The following KHDRBS2 variants were observed in gnomAD, a reference collection of about 807,000 sequenced individuals.
KHDRBS2 encodes the protein KH RNA binding domain containing, signal transduction associated 2.
KHDRBS2 carries 26 observed loss-of-function variants against 44.3 expected under a neutral mutation model. The ratio of observed to expected loss-of-function variants is 0.59; its 90% CI spans 0.43 to 0.81. KHDRBS2 has a LOEUF of 0.81. Among genes scored for constraint, KHDRBS2 ranks in the 40% least tolerant of loss-of-function variants. The pLI is 0.00. For synonymous variants in KHDRBS2, 194 were observed against 151.1 expected (o/e 1.28, Z -2.08); for missense variants, 476 against 433.1 (o/e 1.10, Z -0.88).
At chr6:61,922,097 T>C (rs1055600965) in intron 4 of KHDRBS2, among the ~76,000 whole-genome samples, 7 of 152,058 alleles carry the variant, frequency 4.6e-5, no homozygotes, top group Admixed American at 1.3e-4. Flanking sequence ...CTTATCTATA[T>C]TGAAATATTT....
intron 4 of KHDRBS2, among the ~76,000 whole-genome samples, chr6:61,934,365 A>T (rs1810646327): frequency 6.6e-6 from 1 of 152,144 alleles, no homozygotes. Context: ...TATCCAAAAA[A>T]TCCTTGCCCA....
chr6:61,972,650 A>T (rs1232829162), intron 4 of KHDRBS2, among the ~76,000 whole-genome samples: 1 of 152,144 alleles, frequency 6.6e-6, no homozygotes, highest in Non-Finnish European at 1.5e-5. Context: ...CCCTCTCTGC[A>T]TTGAACTTTG....
At chr6:62,106,945 A>G (rs943115180) in intron 2 of KHDRBS2, among the ~76,000 whole-genome samples, 1 of 152,016 alleles carries the variant, frequency 6.6e-6, no homozygotes, top group Non-Finnish European at 1.5e-5. Flanking sequence ...ATATATCTCA[A>G]AATAATAAGA....
At chr6:62,271,241 A>C (rs1161073503) in intron 1 of KHDRBS2, among the ~76,000 whole-genome samples, 2 of 152,174 alleles carry the variant, frequency 1.3e-5, no homozygotes, top group Admixed American at 1.3e-4. Flanking sequence ...CACATATAAC[A>C]TCGTGGTCCC....
intron 1 of KHDRBS2, among the ~76,000 whole-genome samples, chr6:62,264,665 C>T (rs1395560913): frequency 6.6e-6 from 1 of 151,760 alleles, no homozygotes; most frequent in East Asian, 1.9e-4. Context: ...ACCGATTTTA[C>T]ACTTATTGAG....
chr6:62,000,801 T>C (rs1236741115), intron 3 of KHDRBS2, among the ~76,000 whole-genome samples: 1 of 152,162 alleles, frequency 6.6e-6, no homozygotes, highest in Non-Finnish European at 1.5e-5. Context: ...GCATCACATG[T>C]TCAAAATATT....
chr6:62,036,501 T>C (rs1785313633), intron 3 of KHDRBS2, among the ~76,000 whole-genome samples: 3 of 151,970 alleles, frequency 2.0e-5, no homozygotes, highest in Admixed American at 1.3e-4. Flanking sequence ...ACACACACGA[T>C]TTACCCATGT....
chr6:61,980,423 G>C (rs1362027858), intron 3 of KHDRBS2, among the ~76,000 whole-genome samples: 1 of 152,084 alleles, frequency 6.6e-6, no homozygotes, highest in Non-Finnish European at 1.5e-5. Context: ...ACTCCTGAAA[G>C]TTTAGAATGT....
intron 3 of KHDRBS2, among the ~76,000 whole-genome samples, chr6:62,027,564 G>T (rs1439734533): frequency 2.6e-5 from 4 of 152,102 alleles, no homozygotes; most frequent in Admixed American, 2.0e-4. Context: ...GATTGCCAGG[G>T]TAATTTATCA....
At chr6:61,688,749 G>A (rs961486115) in intron 8 of KHDRBS2, among the ~76,000 whole-genome samples, 2 of 151,944 alleles carry the variant, frequency 1.3e-5, no homozygotes, top group African/African-American at 4.8e-5. Flanking sequence ...ATACCACAGT[G>A]TGCCTTTCCC....
At chr6:61,916,938 G>A (rs185998560) in intron 4 of KHDRBS2, among the ~76,000 whole-genome samples, 56 of 148,436 alleles carry the variant, frequency 3.8e-4, no homozygotes, top group African/African-American at 1.4e-3. Context: ...AAATGCTGGT[G>A]AGGATGTGGA....
intron 1 of KHDRBS2, among the ~76,000 whole-genome samples, chr6:62,206,285 C>T (rs1827959436): frequency 6.6e-6 from 1 of 152,180 alleles, no homozygotes; most frequent in Middle Eastern, 3.4e-3. Context: ...TATGCACAAA[C>T]AGGTCATAAT....
At chr6:61,633,627 A>AGTT in the KHDRBS2 span, among the ~76,000 whole-genome samples, 46 of 152,064 alleles carry the variant, frequency 3.0e-4, no homozygotes, top group Non-Finnish European at 5.4e-4. Flanking sequence ...AACTCCTTAA[A>AGTT]AATGGGGAAC....
chr6:61,955,154 A>C (rs867899791), intron 4 of KHDRBS2, among the ~76,000 whole-genome samples: 198 of 144,808 alleles, frequency 1.4e-3, no homozygotes, highest in African/African-American at 4.5e-3. Flanking sequence ...ATACGTGTGT[A>C]TGTATGTATA....
At chr6:61,768,189 C>A (rs1367670858) in intron 6 of KHDRBS2, among the ~76,000 whole-genome samples, 2 of 152,124 alleles carry the variant, frequency 1.3e-5, no homozygotes, top group African/African-American at 4.8e-5. Context: ...AAGGTTTCCA[C>A]TGAAAAGTCC....
chr6:61,758,392 A>G (rs536738320), intron 6 of KHDRBS2, among the ~76,000 whole-genome samples: 1 of 151,940 alleles, frequency 6.6e-6, no homozygotes, highest in South Asian at 2.1e-4. Context: ...ATAGCTTTGT[A>G]TCCCTATCTT....
At chr6:61,649,204 T>C in the KHDRBS2 span, among the ~76,000 whole-genome samples, 3 of 151,998 alleles carry the variant, frequency 2.0e-5, no homozygotes, top group Non-Finnish European at 4.4e-5. Context: ...CTCAGTGGCA[T>C]GGTGGGGAGT....
At chr6:62,132,533 G>T (rs1223938452) in intron 2 of KHDRBS2, among the ~76,000 whole-genome samples, 4 of 152,080 alleles carry the variant, frequency 2.6e-5, no homozygotes, top group African/African-American at 9.7e-5. Context: ...TTCCTTTAAT[G>T]GATTACATTT....
At chr6:62,000,559 A>G (rs1397778238) in intron 3 of KHDRBS2, among the ~76,000 whole-genome samples, 1 of 152,216 alleles carries the variant, frequency 6.6e-6, no homozygotes, top group Non-Finnish European at 1.5e-5. Context: ...AAAGATTCGT[A>G]AGAGTTAAAT....
Sources: gnomAD v4.1 joint callset for allele counts (sites outside exome capture counted in the v4.1 genomes callset) on GRCh38, gnomAD v4.1.1 for gene constraint, MANE v1.5 for transcripts, NCBI Gene and HGNC (gene_info 2026-07-23, HGNC 2026-07-21) for gene names.